Variants in TTC29 observed in about 807,000 individuals in gnomAD.
TTC29 encodes the protein tetratricopeptide repeat domain 29.
Under a neutral mutation model 58.1 loss-of-function variants are expected in TTC29, and 49 were observed. That is an observed-to-expected ratio of 0.84 (90% CI 0.67 to 1.07). TTC29 has a LOEUF of 1.07. Among genes scored for constraint, TTC29 ranks in the 50% least tolerant of loss-of-function variants. The pLI, the probability that TTC29 is intolerant of heterozygous loss-of-function variation, is 0.00. For missense variants in TTC29, 582 were observed against 555.6 expected, an observed-to-expected ratio of 1.05 and a Z score of -0.48; for synonymous variants, 209 against 196.8, an observed-to-expected ratio of 1.06 and a Z score of -0.52.
chr4:146,944,071 TAAGA>T (rs1736688489), intron 2 of TTC29: 1 of 152,168 alleles, frequency 6.6e-6, no homozygotes, highest in African/African-American at 2.4e-5. Flanking sequence ...TTCAGGTGAG[TAAGA>T]AAGAAGAAGA....
At chr4:146,923,312 A>G (rs1734715308) in intron 4 of TTC29, among the ~76,000 whole-genome samples, 1 of 151,776 alleles carries the variant, frequency 6.6e-6, no homozygotes, top group South Asian at 2.1e-4. Flanking sequence ...TATTATTTAG[A>G]TACAAAAATC....
At chr4:146,709,411 T>C (rs1742322798) in intron 11 of TTC29, among the ~76,000 whole-genome samples, 1 of 152,142 alleles carries the variant, frequency 6.6e-6, no homozygotes, top group Non-Finnish European at 1.5e-5. Flanking sequence ...TTTTTCCTCA[T>C]TTTTCTGTCT....
chr4:146,887,159 T>A (rs957656734), intron 6 of TTC29, among the ~76,000 whole-genome samples: 1 of 152,142 alleles, frequency 6.6e-6, no homozygotes, highest in Non-Finnish European at 1.5e-5. Flanking sequence ...TGCCTATAGA[T>A]AATAATATTT....
intron 8 of TTC29, among the ~76,000 whole-genome samples, chr4:146,857,894 T>G (rs1331533763): frequency 6.6e-6 from 1 of 152,226 alleles, no homozygotes; most frequent in Non-Finnish European, 1.5e-5. Context: ...TTGGTTTATC[T>G]TCTTTCCATT....
intron 10 of TTC29, among the ~76,000 whole-genome samples, chr4:146,815,736 G>T (rs1225680846): frequency 6.6e-6 from 1 of 152,180 alleles, no homozygotes; most frequent in Non-Finnish European, 1.5e-5. Context: ...CATTATAGTT[G>T]AAGATATCTA....
chr4:146,923,556 A>G (rs1347396431), intron 4 of TTC29, among the ~76,000 whole-genome samples: 2 of 151,888 alleles, frequency 1.3e-5, no homozygotes, highest in Non-Finnish European at 2.9e-5. Context: ...TAAAAAACCT[A>G]TGGCAAAGGG....
chr4:146,751,781 A>G (rs1381858209), intron 11 of TTC29, among the ~76,000 whole-genome samples: 1 of 152,168 alleles, frequency 6.6e-6, no homozygotes, highest in East Asian at 1.9e-4. Context: ...TTAACATTAT[A>G]CCTCCAGGAA....
intron 6 of TTC29, among the ~76,000 whole-genome samples, chr4:146,900,801 T>G (rs533861166): frequency 6.6e-6 from 1 of 152,330 alleles, no homozygotes; most frequent in South Asian, 2.1e-4. Context: ...CTGCTAAATA[T>G]ACTTAGAAAT....
intron 8 of TTC29, among the ~76,000 whole-genome samples, chr4:146,840,088 A>G (rs529251417): frequency 6.6e-4 from 101 of 152,118 alleles, no homozygotes; most frequent in African/African-American, 2.1e-3. Flanking sequence ...AACGTTATAA[A>G]ATAAAAAGCC....
chr4:146,741,110 T>C (rs910940500), intron 11 of TTC29, among the ~76,000 whole-genome samples: 2 of 152,206 alleles, frequency 1.3e-5, no homozygotes, highest in African/African-American at 4.8e-5. Flanking sequence ...TGAACCTTAC[T>C]TTGCCTTAGA....
chr4:146,904,894 C>A (rs1219915624), intron 5 of TTC29, among the ~76,000 whole-genome samples: 1 of 152,046 alleles, frequency 6.6e-6, no homozygotes, highest in African/African-American at 2.4e-5. Context: ...AGTAAGTCAC[C>A]CCAATGTTTC....
intron 11 of TTC29, among the ~76,000 whole-genome samples, chr4:146,722,909 G>A (rs1743478590): frequency 6.6e-6 from 1 of 152,034 alleles, no homozygotes; most frequent in Non-Finnish European, 1.5e-5. Context: ...TGTTGCCCAG[G>A]CTGGTCTCAA....
intron 11 of TTC29, among the ~76,000 whole-genome samples, chr4:146,767,397 T>G (rs1747407568): frequency 6.6e-6 from 1 of 151,970 alleles, no homozygotes; most frequent in South Asian, 2.1e-4. Flanking sequence ...TTTCCCTACC[T>G]TTCTTCTCCC....
intron 11 of TTC29, among the ~76,000 whole-genome samples, chr4:146,710,607 G>C (rs1382669432): frequency 1.3e-5 from 2 of 152,030 alleles, no homozygotes; most frequent in Non-Finnish European, 2.9e-5. Flanking sequence ...TTGCACTATG[G>C]GTCTGACTTA....
chr4:146,736,010 G>T (rs1004484158), intron 11 of TTC29, among the ~76,000 whole-genome samples: 1 of 152,168 alleles, frequency 6.6e-6, no homozygotes, highest in African/African-American at 2.4e-5. Flanking sequence ...ATCGAAGATT[G>T]GGTGGACCAA....
chr4:146,845,819 A>T (rs1162813623), intron 8 of TTC29, among the ~76,000 whole-genome samples: 3 of 68,336 alleles, frequency 4.4e-5, no homozygotes, highest in Non-Finnish European at 5.5e-5. Flanking sequence ...ACACACAATC[A>T]CACACACACA....
At chr4:146,793,658 C>T (rs898326069) in intron 11 of TTC29, among the ~76,000 whole-genome samples, 2 of 151,996 alleles carry the variant, frequency 1.3e-5, no homozygotes, top group Non-Finnish European at 2.9e-5. Flanking sequence ...TTTCTCTTTT[C>T]CTTCAAATTG....
chr4:146,783,951 A>G (rs12501622), intron 11 of TTC29, among the ~76,000 whole-genome samples: 9,134 of 152,084 alleles, frequency 0.06, 378 homozygotes, highest in Admixed American at 0.13. Flanking sequence ...GTCTAACTGG[A>G]AACCTAAGAC....
At chr4:146,863,661 G>A (rs757723971) in intron 8 of TTC29, among the ~76,000 whole-genome samples, 3 of 152,120 alleles carry the variant, frequency 2.0e-5, no homozygotes, top group African/African-American at 4.8e-5. Context: ...ACTGGCTGCC[G>A]TGATTATAGA....
Sources: gnomAD v4.1 joint callset for allele counts (sites outside exome capture counted in the v4.1 genomes callset) on GRCh38, gnomAD v4.1.1 for gene constraint, MANE v1.5 for transcripts, NCBI Gene and HGNC (gene_info 2026-07-23, HGNC 2026-07-21) for gene names.